The following SH3GL3 variants were observed in gnomAD, a reference collection of about 807,000 sequenced individuals.
The protein encoded by SH3GL3 is SH3 domain containing GRB2 like 3, endophilin A3, also known as endophilin-A3.
In SH3GL3, 33 loss-of-function variants were observed where a neutral mutation model predicts 47.7. The observed-to-expected ratio is 0.69, with a 90% CI of 0.52 to 0.92. The LOEUF is 0.92. SH3GL3 is among the 40% of genes least tolerant of loss of function. The pLI is 0.00. For synonymous variants in SH3GL3, 155 were observed against 148.8 expected, an observed-to-expected ratio of 1.04 and a Z score of -0.30; for missense variants, 363 against 417.8, an observed-to-expected ratio of 0.87 and a Z score of 1.14.
intron 1 of SH3GL3, chr15:83,491,026 C>G (rs1158908633): frequency 8.0e-6 from 12 of 1,499,770 alleles, no homozygotes; most frequent in East Asian, 2.3e-5. Flanking sequence ...AAGTGGGAAG[C>G]CTTGTATTAG....
intron 1 of SH3GL3, among the ~76,000 whole-genome samples, chr15:83,532,122 G>A (rs1283149806): frequency 1.3e-5 from 2 of 152,168 alleles, no homozygotes; most frequent in Non-Finnish European, 2.9e-5. Context: ...TGTGGGTGGT[G>A]ATTCCACTAA....
At chr15:83,632,318 G>A in the SH3GL3 span, among the ~76,000 whole-genome samples, 4 of 152,138 alleles carry the variant, frequency 2.6e-5, no homozygotes, top group Non-Finnish European at 5.9e-5. Context: ...ACATTTTTTG[G>A]TATTGTAAGT....
At chr15:83,547,491 C>G (rs2044461345) in intron 1 of SH3GL3, among the ~76,000 whole-genome samples, 1 of 152,216 alleles carries the variant, frequency 6.6e-6, no homozygotes, top group South Asian at 2.1e-4. Flanking sequence ...CATTCCTATC[C>G]TCTTCAGTGC....
At chr15:83,578,037 C>T (rs1049748149) in intron 6 of SH3GL3, among the ~76,000 whole-genome samples, 5 of 152,108 alleles carry the variant, frequency 3.3e-5, no homozygotes, top group Admixed American at 1.3e-4. Context: ...CTTGTGGGCT[C>T]GGGAATTGTG....
At chr15:83,493,541 C>A (rs891226881) in intron 1 of SH3GL3, among the ~76,000 whole-genome samples, 4 of 152,186 alleles carry the variant, frequency 2.6e-5, no homozygotes, top group African/African-American at 2.4e-5. Context: ...CATGGCCCTC[C>A]TCCATGCTGG....
chr15:83,498,287 C>T (rs538654632), intron 1 of SH3GL3, among the ~76,000 whole-genome samples: 103 of 152,286 alleles, frequency 6.8e-4, no homozygotes, highest in African/African-American at 2.3e-3. Flanking sequence ...AGCTGATTAC[C>T]TCCCCTTCAA....
At chr15:83,548,317 A>G (rs1276864106) in intron 1 of SH3GL3, among the ~76,000 whole-genome samples, 1 of 150,486 alleles carries the variant, frequency 6.6e-6, no homozygotes, top group Non-Finnish European at 1.5e-5. Context: ...GTTTCCATTT[A>G]TATATGTGTG....
intron 2 of SH3GL3, among the ~76,000 whole-genome samples, chr15:83,563,882 C>T (rs2045402465): frequency 6.6e-6 from 1 of 152,206 alleles, no homozygotes; most frequent in Admixed American, 6.5e-5. Context: ...AGGTGATCCA[C>T]CTGCCTCAGC....
intron 1 of SH3GL3, among the ~76,000 whole-genome samples, chr15:83,539,106 C>T (rs370178167): frequency 1.3e-5 from 2 of 152,082 alleles, no homozygotes; most frequent in African/African-American, 2.4e-5. Flanking sequence ...TGTATTTCCA[C>T]GATTATAATT....
intron 1 of SH3GL3, among the ~76,000 whole-genome samples, chr15:83,492,636 G>A (rs943113453): frequency 3.3e-5 from 5 of 152,172 alleles, no homozygotes; most frequent in Non-Finnish European, 4.4e-5. Context: ...GAGAATTAAT[G>A]GCCTAGAGAG....
intron 1 of SH3GL3, among the ~76,000 whole-genome samples, chr15:83,484,456 A>G (rs2041504827): frequency 6.6e-6 from 1 of 152,176 alleles, no homozygotes; most frequent in South Asian, 2.1e-4. Context: ...TTCTAATTCT[A>G]GTAGTGGATC....
At chr15:83,566,499 G>A (rs1481922010) in intron 3 of SH3GL3, among the ~76,000 whole-genome samples, 1 of 151,938 alleles carries the variant, frequency 6.6e-6, no homozygotes, top group Non-Finnish European at 1.5e-5. Flanking sequence ...CACTGGCCAG[G>A]CACAATGGCT....
intron 1 of SH3GL3, among the ~76,000 whole-genome samples, chr15:83,459,243 T>C (rs191630978): frequency 6.6e-6 from 1 of 152,350 alleles, no homozygotes; most frequent in African/African-American, 2.4e-5. Flanking sequence ...TCCACCCAGA[T>C]TGAGGGTGGG....
At chr15:83,606,655 G>A (rs2060524027) in intron 8 of SH3GL3, among the ~76,000 whole-genome samples, 1 of 152,152 alleles carries the variant, frequency 6.6e-6, no homozygotes, top group Non-Finnish European at 1.5e-5. Context: ...TTATTGACAA[G>A]AGAGAAATAA....
At chr15:83,558,484 C>T (rs2045074963) in intron 1 of SH3GL3, among the ~76,000 whole-genome samples, 1 of 72,698 alleles carries the variant, frequency 1.4e-5, no homozygotes, top group South Asian at 3.3e-4. Context: ...TTGTTACAAC[C>T]GTGTGTGTGT....
chr15:83,510,481 C>T (rs1385545609), intron 1 of SH3GL3, among the ~76,000 whole-genome samples: 1 of 152,140 alleles, frequency 6.6e-6, no homozygotes, highest in Non-Finnish European at 1.5e-5. Context: ...TATGTAAAGA[C>T]ATTGTGTTTG....
At chr15:83,516,347 G>A (rs537876070) in intron 1 of SH3GL3, among the ~76,000 whole-genome samples, 7 of 152,222 alleles carry the variant, frequency 4.6e-5, no homozygotes, top group African/African-American at 1.7e-4. Flanking sequence ...GCAAAATAAC[G>A]ACTATAGTAT....
intron 1 of SH3GL3, chr15:83,488,282 A>C (rs1300874047): frequency 6.6e-6 from 1 of 152,210 alleles, no homozygotes; most frequent in East Asian, 1.9e-4. Context: ...ACCTGCCTGC[A>C]GGCGCTGCTC....
intron 8 of SH3GL3, among the ~76,000 whole-genome samples, chr15:83,592,245 C>T (rs1205232615): frequency 6.6e-6 from 1 of 152,150 alleles, no homozygotes; most frequent in Non-Finnish European, 1.5e-5. Flanking sequence ...AGACTTCTCC[C>T]TCCCTTCACC....
Sources: allele counts gnomAD v4.1 joint callset (sites outside exome capture counted in the v4.1 genomes callset), GRCh38; gene constraint gnomAD v4.1.1; transcripts MANE v1.5; gene names NCBI Gene and HGNC (gene_info 2026-07-23, HGNC 2026-07-21).